The following PHLPP1 variants were observed in gnomAD, a reference collection of about 807,000 sequenced individuals.
PHLPP1 encodes PH domain and leucine rich repeat protein phosphatase 1.
In PHLPP1, 42 loss-of-function variants were observed where a neutral mutation model predicts 117.2. The ratio of observed to expected loss-of-function variants is 0.36; its 90% CI spans 0.28 to 0.46. The LOEUF (loss-of-function observed/expected upper bound fraction) is 0.46, where lower values mean the gene tolerates loss of function less well. PHLPP1 is among the 20% of genes least tolerant of loss of function. The pLI is 1.00. For missense variants in PHLPP1, 2,084 were observed against 2,241.9 expected (o/e 0.93, Z 1.42); for synonymous variants, 1,042 against 970.7 (o/e 1.07, Z -1.37).
At chr18:62,766,100 T>TATATATATATATATAA (rs1912509571) in intron 1 of PHLPP1, among the ~76,000 whole-genome samples, 1 of 81,626 alleles carries the variant, frequency 1.2e-5, no homozygotes, top group Non-Finnish European at 2.6e-5. Context: ...TATATATATA[T>TATATATATATATATAA]ATAAAATATA....
intron 2 of PHLPP1, among the ~76,000 whole-genome samples, chr18:62,835,874 G>A (rs1458637418): frequency 2.1e-5 from 3 of 144,320 alleles, no homozygotes; most frequent in Non-Finnish European, 3.0e-5. Flanking sequence ...TCCACCTCCC[G>A]GGTTCAAGCG....
At chr18:62,880,575 T>C (rs1363424934) in intron 4 of PHLPP1, among the ~76,000 whole-genome samples, 1 of 152,160 alleles carries the variant, frequency 6.6e-6, no homozygotes, top group African/African-American at 2.4e-5. Flanking sequence ...TAAACATCTC[T>C]TGAATATCAT....
chr18:62,859,702 C>T (rs552278149), intron 3 of PHLPP1, among the ~76,000 whole-genome samples: 3 of 151,996 alleles, frequency 2.0e-5, no homozygotes, highest in African/African-American at 4.8e-5. Flanking sequence ...GTCTCTTGAC[C>T]GTGTATTTAC....
chr18:62,859,776 T>C (rs952404382), intron 3 of PHLPP1, among the ~76,000 whole-genome samples: 1 of 152,324 alleles, frequency 6.6e-6, no homozygotes, highest in African/African-American at 2.4e-5. Context: ...GGAATAAAAC[T>C]CCTGCATTGG....
chr18:62,877,544 G>A lies in PHLPP1; in HGVS notation c.2066+16943G>A, dbSNP rs78735345. Among the ~76,000 whole-genome samples the A allele has an allele frequency of 7.3e-4, 111 of 152,316 alleles. No individual in the cohort carries two copies. In the East Asian group the frequency reaches 0.019, roughly 27 times the overall value. ...CAGGGTTAGAGATAACCTTGGGAAG[G>A]AATTTCCACTACCAGGGTTCCATGA... On this transcript the variant is annotated intron_variant, in intron 4 of 16. Transcript: ENST00000262719.
intron 10 of PHLPP1, among the ~76,000 whole-genome samples, chr18:62,933,715 C>T (rs370292693): frequency 2.6e-5 from 4 of 152,150 alleles, no homozygotes; most frequent in Admixed American, 1.3e-4. Context: ...ACTAAGACCT[C>T]GAAGGCAAAT....
intron 1 of PHLPP1, among the ~76,000 whole-genome samples, chr18:62,809,331 CAA>C (rs1914046184): frequency 6.6e-6 from 1 of 152,168 alleles, no homozygotes; most frequent in African/African-American, 2.4e-5. Flanking sequence ...GAGAAAACCT[CAA>C]AAGTAATTCT....
chr18:62,778,442 A>G (rs1183988777), intron 1 of PHLPP1, among the ~76,000 whole-genome samples: 1 of 152,180 alleles, frequency 6.6e-6, no homozygotes, highest in Non-Finnish European at 1.5e-5. Context: ...CTTCTGTTGA[A>G]CCGGCAGTGA....
At chr18:62,969,598 A>C (rs1037503991) in intron 14 of PHLPP1, among the ~76,000 whole-genome samples, 7 of 151,986 alleles carry the variant, frequency 4.6e-5, no homozygotes, top group Non-Finnish European at 1.0e-4. Flanking sequence ...ATGAATATGG[A>C]TTTGTCTGTT....
At chr18:62,862,382 A>G (rs543565119) in intron 4 of PHLPP1, among the ~76,000 whole-genome samples, 7 of 152,270 alleles carry the variant, frequency 4.6e-5, no homozygotes, top group African/African-American at 1.7e-4. Context: ...CGCCCAGCCA[A>G]TATCACCACT....
chr18:62,969,418 A>G (rs1910990545), intron 14 of PHLPP1, among the ~76,000 whole-genome samples: 1 of 152,104 alleles, frequency 6.6e-6, no homozygotes, highest in African/African-American at 2.4e-5. Flanking sequence ...AAACTTATTT[A>G]GACTTGATTT....
At chr18:62,945,663 G>A (rs142598660) in intron 12 of PHLPP1, among the ~76,000 whole-genome samples, 216 of 152,208 alleles carry the variant, frequency 1.4e-3, no homozygotes, top group African/African-American at 4.9e-3. Context: ...ACTACACATC[G>A]CTCCCTACCA....
chr18:62,976,730 G>A (rs1483788451), intron 16 of PHLPP1, among the ~76,000 whole-genome samples: 1 of 152,184 alleles, frequency 6.6e-6, no homozygotes, highest in African/African-American at 2.4e-5. Flanking sequence ...ATCAAAGCCT[G>A]TGTGGAGTCA....
chr18:62,847,007 T>C (rs2046865486), intron 3 of PHLPP1, among the ~76,000 whole-genome samples: 1 of 152,210 alleles, frequency 6.6e-6, no homozygotes, highest in Non-Finnish European at 1.5e-5. Flanking sequence ...CTAAAGTTAT[T>C]TCAGTTTAGA....
intron 4 of PHLPP1, among the ~76,000 whole-genome samples, chr18:62,889,876 T>C (rs1916365840): frequency 6.6e-6 from 1 of 152,240 alleles, no homozygotes; most frequent in Admixed American, 6.5e-5. Context: ...GTTTATATTC[T>C]TTTTTGTACT....
chr18:62,906,351 G>A (rs1916846555), intron 8 of PHLPP1: 1 of 152,714 alleles, frequency 6.5e-6, no homozygotes. Flanking sequence ...CCCAGCGTGA[G>A]CGACGCAGAA....
intron 14 of PHLPP1, among the ~76,000 whole-genome samples, chr18:62,969,769 T>C (rs564933839): frequency 4.6e-5 from 7 of 152,360 alleles, no homozygotes; most frequent in Middle Eastern, 3.4e-3. Flanking sequence ...TTGTCTGATA[T>C]TAACATAGCC....
intron 3 of PHLPP1, among the ~76,000 whole-genome samples, chr18:62,859,754 C>G (rs1915586717): frequency 6.6e-6 from 1 of 152,128 alleles, no homozygotes; most frequent in South Asian, 2.1e-4. Context: ...AGAATTATTC[C>G]TTATGTTTTC....
intron 10 of PHLPP1, among the ~76,000 whole-genome samples, chr18:62,925,999 G>A (rs934103179): frequency 1.3e-5 from 2 of 152,110 alleles, no homozygotes; most frequent in African/African-American, 4.8e-5. Context: ...GGATTTTAAT[G>A]GAAAAACTGA....
Sources: allele counts gnomAD v4.1 joint callset (sites outside exome capture counted in the v4.1 genomes callset), GRCh38; gene constraint gnomAD v4.1.1; transcripts MANE v1.5; gene names NCBI Gene and HGNC (gene_info 2026-07-23, HGNC 2026-07-21).